Variants in EDARADD observed in about 807,000 individuals in gnomAD.
EDARADD encodes EDAR associated via death domain.
EDARADD carries 20 observed loss-of-function variants against 25.6 expected under a neutral mutation model. The observed-to-expected ratio is 0.78, with a 90% CI of 0.55 to 1.14. The LOEUF (loss-of-function observed/expected upper bound fraction) is 1.14. Ranked by LOEUF, EDARADD falls within the 50% of genes most tolerant of loss-of-function variation. The pLI is 0.00. For missense variants in EDARADD, 225 were observed against 270.1 expected (o/e 0.83, Z 1.17); for synonymous variants, 86 against 94.4 (o/e 0.91, Z 0.52).
intron 4 of EDARADD, among the ~76,000 whole-genome samples, chr1:236,433,318 G>C (rs1183527219): frequency 6.6e-6 from 1 of 151,690 alleles, no homozygotes; most frequent in Non-Finnish European, 1.5e-5. Context: ...GCACTTTGGG[G>C]GGGGCCGAGG....
chr1:236,447,165 C>G lies in EDARADD; in HGVS notation c.219+19715C>G, dbSNP rs867245718. On this transcript the variant is annotated intron_variant, in intron 4 of 5. Coordinates refer to ENST00000334232, the MANE Select transcript of EDARADD (RefSeq NM_145861.4). Reference sequence around the variant, plus strand: ...TCCTTCCTTCCTTCCTCCCTCCCTCCCTCCCTCTTTCTTTCTTTCTTTCTT... The same window carrying G: ...TCCTTCCTTCCTTCCTCCCTCCCTCGCTCCCTCTTTCTTTCTTTCTTTCTT... 5.3e-4 allele frequency among the ~76,000 whole-genome samples: 65 copies of G among 122,970 alleles called. No homozygotes were observed. The Middle Eastern group carries it at 0.019, about 36-fold the overall frequency. The allele number at this position is 122,970 out of a possible 152,430, so 80.7% of individuals were successfully genotyped here.
intron 1 of EDARADD, among the ~76,000 whole-genome samples, chr1:236,405,872 TCC>T (rs1215384969): frequency 1.7e-5 from 1 of 60,378 alleles, no homozygotes; most frequent in African/African-American, 6.8e-5. Flanking sequence ...CTTCCTTCCT[TCC>T]TTCTTTCTTT....
At chr1:236,461,066 C>T (rs1659026227) in intron 4 of EDARADD, among the ~76,000 whole-genome samples, 1 of 152,162 alleles carries the variant, frequency 6.6e-6, no homozygotes, top group Non-Finnish European at 1.5e-5. Context: ...AGGTGATCTG[C>T]CCACCTCAGC....
chr1:236,402,954 T>C (rs919903668), intron 1 of EDARADD, among the ~76,000 whole-genome samples: 2 of 151,924 alleles, frequency 1.3e-5, no homozygotes, highest in Non-Finnish European at 2.9e-5. Flanking sequence ...CAAACTTGTC[T>C]TGTCTTTTCT....
chr1:236,354,092 A>G (rs1356883783), intron 3 of EDARADD, among the ~76,000 whole-genome samples: 1 of 152,096 alleles, frequency 6.6e-6, no homozygotes, highest in Non-Finnish European at 1.5e-5. Flanking sequence ...TTATAAGGCT[A>G]TTTTCTCCTT....
In EDARADD at chr1:236,482,764, A is replaced by G. The variant is rs886046188; in HGVS notation, c.*115A>G. 8 of 1,511,988 alleles carry G rather than the reference A, an allele frequency of 5.3e-6. No individual in the cohort carries two copies. Among genetic ancestry groups the G allele is most frequent in the Middle Eastern group, 2.3e-4 (1 of 4,312 alleles). 93.7% of individuals were successfully genotyped at this position (1,511,988 alleles called of 1,614,324 possible). The stretch of plus-strand genomic sequence containing the variant: ...AGGACAAGGACGTGGAACAGTGGAC[A>G]CTGGTTTTCCCCAAAGCTGGCAGTT... On this transcript the variant is annotated 3_prime_UTR_variant, in exon 6 of 6. Transcript: ENST00000334232.
At chr1:236,403,949 A>C (rs1667661977) in intron 1 of EDARADD, among the ~76,000 whole-genome samples, 1 of 152,156 alleles carries the variant, frequency 6.6e-6, no homozygotes, top group Non-Finnish European at 1.5e-5. Context: ...TTACCAGCTA[A>C]TTTGAGGTGA....
chr1:236,445,561 C>T (rs930189833), intron 4 of EDARADD, among the ~76,000 whole-genome samples: 1 of 152,106 alleles, frequency 6.6e-6, no homozygotes, highest in African/African-American at 2.4e-5. Flanking sequence ...TCCTCTACAT[C>T]TAAGGATGAG....
At chr1:236,478,624 T>A (rs1015301485) in intron 5 of EDARADD, among the ~76,000 whole-genome samples, 4 of 152,150 alleles carry the variant, frequency 2.6e-5, no homozygotes, top group Non-Finnish European at 5.9e-5. Context: ...TCTCGCTCTG[T>A]CACCCAGGCT....
chr1:236,370,773 A>G (rs1667164871), intron 3 of EDARADD, among the ~76,000 whole-genome samples: 1 of 152,230 alleles, frequency 6.6e-6, no homozygotes, highest in African/African-American at 2.4e-5. Flanking sequence ...GTTTAGGGAG[A>G]GTCAGAAGCT....
chr1:236,473,570 G>T (rs1659418972), intron 5 of EDARADD, among the ~76,000 whole-genome samples: 1 of 152,128 alleles, frequency 6.6e-6, no homozygotes, highest in African/African-American at 2.4e-5. Flanking sequence ...TTGAGTCCAG[G>T]AGTTCGAGAC....
At chr1:236,456,821 C>T (rs1658881677) in intron 4 of EDARADD, among the ~76,000 whole-genome samples, 1 of 150,714 alleles carries the variant, frequency 6.6e-6, no homozygotes, top group Non-Finnish European at 1.5e-5. Flanking sequence ...TGACCTTGAA[C>T]CCCGGCCCTG....
At chr1:236,471,931 T>C (rs549189337) in intron 5 of EDARADD, among the ~76,000 whole-genome samples, 12 of 152,300 alleles carry the variant, frequency 7.9e-5, no homozygotes, top group African/African-American at 2.4e-4. Flanking sequence ...TTGTTGCAAT[T>C]CACAATTAAC....
chr1:236,436,624 C>CAAA (rs5781885), intron 4 of EDARADD, among the ~76,000 whole-genome samples: 978 of 93,652 alleles, frequency 0.01, 51 homozygotes, highest in Non-Finnish European at 0.013. Flanking sequence ...AAGATCTTGT[C>CAAA]AAAAAAAAAA....
At chr1:236,414,166 T>C in intron 2 of EDARADD, 94 bp from the exon 3 acceptor site, 3 of 1,084,398 alleles carry the variant, frequency 2.8e-6, no homozygotes, top group Non-Finnish European at 2.9e-6. Context: ...AAGTTTTTAA[T>C]TGAAGTCATA....
At chr1:236,378,743 TCAAC>T (rs943763365) in intron 3 of EDARADD, among the ~76,000 whole-genome samples, 5 of 152,204 alleles carry the variant, frequency 3.3e-5, no homozygotes, top group African/African-American at 1.2e-4. Flanking sequence ...CTCTACAACT[TCAAC>T]CACCTACTGA....
At chr1:236,454,711 G>A (rs187738531) in intron 4 of EDARADD, among the ~76,000 whole-genome samples, 6 of 152,280 alleles carry the variant, frequency 3.9e-5, no homozygotes, top group African/African-American at 7.2e-5. Flanking sequence ...GAGTTGGCCC[G>A]GGGCCTGGCC....
chr1:236,409,131 T>C lies in EDARADD; in HGVS notation c.62-85T>C, dbSNP rs80206833. ...GCCTAAGTAAAATTACTTGCCTCTGTATAGAGACAGTTATCAAAGGACTCA... is the reference window on the plus strand; with the variant it reads ...GCCTAAGTAAAATTACTTGCCTCTGCATAGAGACAGTTATCAAAGGACTCA... On this transcript the variant is annotated intron_variant, in intron 1 of 5. Transcript: ENST00000334232. 2.4e-3 allele frequency: 2,321 copies of C among 958,886 alleles called. 65 individuals are homozygous for C. The East Asian group carries it at 0.049, about 20-fold the overall frequency. The allele number at this position is 958,886 out of a possible 1,614,324, so 59.4% of individuals were successfully genotyped here.
intron 4 of EDARADD, among the ~76,000 whole-genome samples, chr1:236,450,422 C>T (rs1558128490): frequency 6.6e-6 from 1 of 151,900 alleles, no homozygotes; most frequent in Non-Finnish European, 1.5e-5. Flanking sequence ...TTGCTTTCTT[C>T]ACTTACTACA....
Sources: gnomAD v4.1 joint callset for allele counts (sites outside exome capture counted in the v4.1 genomes callset) on GRCh38, gnomAD v4.1.1 for gene constraint, MANE v1.5 for transcripts, NCBI Gene and HGNC (gene_info 2026-07-23, HGNC 2026-07-21) for gene names.